MICU3: variants seen among roughly 807,000 people sequenced by gnomAD.
MICU3 encodes the protein mitochondrial calcium uptake 3.
In MICU3, 62 loss-of-function variants were observed where a neutral mutation model predicts 66.5. That is an observed-to-expected ratio of 0.93 (90% CI 0.76 to 1.15). The LOEUF is 1.15. Among genes scored for constraint, MICU3 ranks in the 50% most tolerant of loss-of-function variants. The pLI, the probability that MICU3 is intolerant of heterozygous loss-of-function variation, is 0.00. For missense variants in MICU3, 779 were observed against 664.4 expected (o/e 1.17, Z -1.90); for synonymous variants, 308 against 240.7 (o/e 1.28, Z -2.59).
chr8:17,119,610 A>G (rs1004169588), intron 14 of MICU3, among the ~76,000 whole-genome samples: 1 of 151,872 alleles, frequency 6.6e-6, no homozygotes, highest in Admixed American at 6.6e-5. Flanking sequence ...CAGCACATCA[A>G]TGCATACTTA....
At chr8:17,086,902 T>G (rs1799530505) in intron 6 of MICU3, 62 bp from the exon 7 acceptor site, 2 of 1,072,064 alleles carry the variant, frequency 1.9e-6, no homozygotes, top group Admixed American at 1.8e-5. Context: ...TAGTCCAGAA[T>G]AGTAGATAGG....
chr8:17,033,883 C>T (rs1053473521), intron 1 of MICU3, among the ~76,000 whole-genome samples: 1 of 152,118 alleles, frequency 6.6e-6, no homozygotes, highest in Non-Finnish European at 1.5e-5. Context: ...TGATGATGTG[C>T]AGGGGGTAGC....
intron 1 of MICU3, among the ~76,000 whole-genome samples, chr8:17,061,605 C>T (rs963414998): frequency 1.3e-5 from 2 of 152,080 alleles, no homozygotes; most frequent in East Asian, 1.9e-4. Flanking sequence ...GATCATGCTG[C>T]AGAAACAGTG....
downstream of MICU3, among the ~76,000 whole-genome samples, chr8:17,126,589 A>G (rs1046433332): frequency 1.3e-4 from 20 of 152,180 alleles, no homozygotes; most frequent in Admixed American, 1.2e-3. Context: ...TTATTGAACT[A>G]TTAGAGTATT....
intron 8 of MICU3, among the ~76,000 whole-genome samples, chr8:17,096,619 C>G (rs897162457): frequency 6.6e-6 from 1 of 151,740 alleles, no homozygotes; most frequent in African/African-American, 2.4e-5. Context: ...TAAGATAAAA[C>G]AAAAACAAAT....
intron 1 of MICU3, among the ~76,000 whole-genome samples, chr8:17,052,053 G>C (rs746249990): frequency 1.2e-4 from 19 of 152,262 alleles, no homozygotes; most frequent in Admixed American, 5.9e-4. Context: ...TCTACATGCT[G>C]AACCACTATG....
At chr8:17,044,686 C>T (rs776268756) in intron 1 of MICU3, among the ~76,000 whole-genome samples, 39 of 152,230 alleles carry the variant, frequency 2.6e-4, no homozygotes, top group Admixed American at 8.5e-4. Flanking sequence ...CATGTCCTCA[C>T]TTTACAGTGA....
At chr8:17,047,569 A>G (rs554414002) in intron 1 of MICU3, among the ~76,000 whole-genome samples, 1 of 152,346 alleles carries the variant, frequency 6.6e-6, no homozygotes, top group East Asian at 1.9e-4. Context: ...AAAATCAAAG[A>G]TAAAGAGAGA....
At chr8:17,057,535 A>G (rs1209633353) in intron 1 of MICU3, among the ~76,000 whole-genome samples, 4 of 152,194 alleles carry the variant, frequency 2.6e-5, no homozygotes, top group East Asian at 1.9e-4. Context: ...GATAATAGCT[A>G]TAATTTATAA....
rs1800183907 is a variant in MICU3 at position 17,092,531 on chromosome 8, A to G, written c.888+1947A>G. Among the ~76,000 whole-genome samples, 3 of 151,984 alleles carry G rather than the reference A, an allele frequency of 2.0e-5. No homozygotes were observed. The South Asian group carries it at 6.2e-4, about 31-fold the overall frequency. On this transcript the variant is annotated intron_variant, in intron 8 of 14. Coordinates refer to ENST00000318063, the MANE Select transcript of MICU3 (RefSeq NM_181723.3). ...ATTTTATAGAAATCAGCTTTTTCTC[A>G]TGTAAAATGCACACATTAAAGTGAT...
Position 17,077,804 on chromosome 8 carries a change from G to A in MICU3, c.589G>A (p.Glu197Lys). The stretch of plus-strand genomic sequence containing the variant: ...ATAGGAATTAAATCAAATGCTCGCA[G>A]AAACACCACCAGTTTGGAAAGGCTC... ...SKQELNQMLA[E>K]TPPVWKGSSK... is the part of the protein sequence containing the mutation. Residue 197 changes from glutamate to lysine, a missense_variant, in exon 4 of 15, where the codon GAA becomes AAA. Physicochemically the swap from Glu to Lys is moderately conservative, Grantham distance 56 (BLOSUM62 1). Transcript: ENST00000318063. The A allele has an allele frequency of 1.2e-6, 2 of 1,611,320 alleles. No individual in the cohort carries two copies. Among genetic ancestry groups the A allele is most frequent in the Non-Finnish European group, 1.7e-6 (2 of 1,178,312 alleles).
chr8:17,032,421 T>C (rs1261616171), intron 1 of MICU3, among the ~76,000 whole-genome samples: 1 of 152,192 alleles, frequency 6.6e-6, no homozygotes, highest in African/African-American at 2.4e-5. Flanking sequence ...CTTAACATAC[T>C]TCAGTGTTTT....
chr8:17,117,166 A>G (rs1802761752), intron 13 of MICU3, among the ~76,000 whole-genome samples: 1 of 151,746 alleles, frequency 6.6e-6, no homozygotes, highest in African/African-American at 2.4e-5. Context: ...TTTTACTAGC[A>G]ACGAGGTCAC....
chr8:17,034,634 T>C (rs1812668961), intron 1 of MICU3, among the ~76,000 whole-genome samples: 1 of 152,218 alleles, frequency 6.6e-6, no homozygotes, highest in South Asian at 2.1e-4. Flanking sequence ...CTTTCATGGA[T>C]GACCTCAAGG....
At chr8:17,069,785 TA>T (rs1819272498) in intron 3 of MICU3, 66 bp downstream of exon 3, 1 of 528,160 alleles carries the variant, frequency 1.9e-6, no homozygotes, top group African/African-American at 2.0e-5. Flanking sequence ...CATATATAAT[TA>T]AAATATATTT....
intron 1 of MICU3, among the ~76,000 whole-genome samples, chr8:17,042,836 C>T (rs1814400049): frequency 1.3e-5 from 2 of 151,076 alleles, no homozygotes; most frequent in Admixed American, 1.3e-4. Context: ...ATCCAGTTGA[C>T]ACTGTAAGTA....
rs780177617 is a variant in MICU3, at chr8:17,087,048, T to C, written c.849+13T>C. 1.9e-6 allele frequency: 3 copies of C among 1,562,512 alleles called. No homozygotes were observed. The highest frequency in any genetic ancestry group is 1.7e-5 in the Admixed American group (1 of 58,702). On this transcript the variant is annotated intron_variant, in intron 7 of 14. Coordinates refer to ENST00000318063, the MANE Select transcript of MICU3 (RefSeq NM_181723.3). ...GCGTGCAATGCTGGTAAGAATACTT[T>C]ATAGTAGCTTTAGGTGGCTTTTGTA...
At chr8:17,109,225 T>C (rs3915067) in intron 11 of MICU3, among the ~76,000 whole-genome samples, 8,774 of 152,212 alleles carry the variant, frequency 0.058, 856 homozygotes, top group African/African-American at 0.2. Flanking sequence ...CAAATATGTT[T>C]TATGTATATG....
Position 17,027,532 on chromosome 8 carries a change from C to T in MICU3, c.253C>T (p.Leu85=). 1 of 1,280,766 alleles carries T rather than the reference C, an allele frequency of 7.8e-7. No individual in the cohort carries two copies. The highest frequency in any genetic ancestry group is 9.8e-7 in the Non-Finnish European group (1 of 1,016,264). 79.3% of individuals were successfully genotyped at this position (1,280,766 alleles called of 1,614,324 possible). ...GGLVGLVCYQ[L]YGDPRAGSPA... ...GCTGGTCGGCCTGGTATGCTACCAGCTGTACGGGGACCCCAGGGCCGGCTC... is the reference window on the plus strand; with the variant it reads ...GCTGGTCGGCCTGGTATGCTACCAGTTGTACGGGGACCCCAGGGCCGGCTC... Residue 85 remains leucine, a synonymous_variant, in exon 1 of 15, where the codon CTG becomes TTG. Coordinates refer to ENST00000318063, the MANE Select transcript of MICU3 (RefSeq NM_181723.3).
Sources: allele counts gnomAD v4.1 joint callset (sites outside exome capture counted in the v4.1 genomes callset), GRCh38; gene constraint gnomAD v4.1.1; transcripts MANE v1.5; gene names NCBI Gene and HGNC (gene_info 2026-07-23, HGNC 2026-07-21).